The following SNTG2 variants were observed in gnomAD, a reference collection of about 807,000 sequenced individuals.
SNTG2 encodes gamma-2-syntrophin.
SNTG2 carries 74 observed loss-of-function variants against 70.9 expected under a neutral mutation model. The ratio of observed to expected loss-of-function variants is 1.04; its 90% confidence interval spans 0.86 to 1.27. The LOEUF (loss-of-function observed/expected upper bound fraction) is 1.27, where lower values mean the gene tolerates loss of function less well. SNTG2 is among the 50% of genes most tolerant of loss of function. The pLI is 0.00. For synonymous variants in SNTG2, 278 were observed against 273.8 expected (o/e 1.02, Z -0.15); for missense variants, 717 against 690.7 (o/e 1.04, Z -0.43).
chr2:1,231,872 C>T (rs908946995), intron 9 of SNTG2, among the ~76,000 whole-genome samples: 4 of 152,140 alleles, frequency 2.6e-5, no homozygotes, highest in African/African-American at 7.2e-5. Flanking sequence ...TAGTGCTGGC[C>T]GTGGTGGAAT....
At chr2:1,278,961 TGCATAACACCCTGTCAGCGC>T (rs1679393662) in intron 14 of SNTG2, among the ~76,000 whole-genome samples, 1 of 145,496 alleles carries the variant, frequency 6.9e-6, no homozygotes. Flanking sequence ...CCCCTGTCAG[TGCATAACACCCTGTCAGCGC>T]GCGAATCACC....
At chr2:1,002,628 T>C (rs1659431936) in intron 1 of SNTG2, among the ~76,000 whole-genome samples, 7 of 151,180 alleles carry the variant, frequency 4.6e-5, no homozygotes, top group Non-Finnish European at 1.0e-4. Context: ...AGAAAATACT[T>C]ATCTATGGTT....
rs145305192 is a variant in SNTG2 at position 966,077 on chromosome 2, G to A, written c.72+15009G>A. Among the ~76,000 whole-genome samples, 780 of 152,294 alleles carry A rather than the reference G, an allele frequency of 5.1e-3. 4 individuals are homozygous for A. Among genetic ancestry groups the A allele is most frequent in the African/African-American group, 0.018 (755 of 41,572 alleles). Reference sequence around the variant, plus strand: ...CCTCCATGCATGCCCAGGGTCCCCCGCGGAACCTGCTTCACAGCGAGTCCT... The same window carrying A: ...CCTCCATGCATGCCCAGGGTCCCCCACGGAACCTGCTTCACAGCGAGTCCT... On this transcript the variant is annotated intron_variant, in intron 1 of 16. Transcript: ENST00000308624.
At chr2:964,808 G>A (rs146105434) in intron 1 of SNTG2, among the ~76,000 whole-genome samples, 2 of 152,282 alleles carry the variant, frequency 1.3e-5, no homozygotes, top group Non-Finnish European at 2.9e-5. Flanking sequence ...CGTCCACTGC[G>A]TGTGACACTC....
In SNTG2 at chr2:1,222,023, CTCTGCCTATCTCTG is replaced by C. The variant is rs1675098417; in HGVS notation, c.719+12797_719+12810del. On this transcript the variant is annotated intron_variant, in intron 9 of 16. Transcript: ENST00000308624. ...TCTGTCTCTCTCTGTCTCTCTCTGT[CTCTGCCTATCTCTG>C]TCTCTCTCTGTCTCTCTCTGTCTCT... Among the ~76,000 whole-genome samples the C allele has an allele frequency of 2.6e-4, 22 of 85,048 alleles. 3 individuals carry two copies. Among genetic ancestry groups the C allele is most frequent in the Admixed American group, 1.2e-3 (9 of 7,820 alleles). The allele number at this position is 85,048 out of a possible 152,430, so 55.8% of individuals were successfully genotyped here. A position where few individuals can be genotyped will look rare whatever the true frequency, so the allele number is the denominator to read the frequency against.
chr2:1,302,652 T>C (rs532476768), intron 14 of SNTG2, among the ~76,000 whole-genome samples: 78 of 148,620 alleles, frequency 5.2e-4, no homozygotes, highest in African/African-American at 1.7e-3. Context: ...AAGATATCAA[T>C]AAATTACATG....
At chr2:965,937 T>C (rs1243637753) in intron 1 of SNTG2, among the ~76,000 whole-genome samples, 3 of 152,118 alleles carry the variant, frequency 2.0e-5, no homozygotes, top group African/African-American at 7.2e-5. Context: ...TAGGGCGGGC[T>C]GGGCCCAGCT....
At chr2:1,364,605 A>AT (rs1661376274) in intron 16 of SNTG2, among the ~76,000 whole-genome samples, 2 of 151,062 alleles carry the variant, frequency 1.3e-5, no homozygotes, top group South Asian at 4.2e-4. Context: ...AATACAAAAA[A>AT]AAATTAGCCA....
intron 14 of SNTG2, among the ~76,000 whole-genome samples, chr2:1,272,689 ACCCCAGGGAGCGGG>A (rs1679096328): frequency 2.7e-5 from 3 of 112,432 alleles, no homozygotes; most frequent in African/African-American, 1.1e-4. Flanking sequence ...TAGAAAGGAC[ACCCCAGGGAGCGGG>A]TGCAGAAAGG....
intron 1 of SNTG2, among the ~76,000 whole-genome samples, chr2:1,074,144 C>G (rs73170853): frequency 0.01 from 1,595 of 152,316 alleles, 26 homozygotes; most frequent in African/African-American, 0.036. Flanking sequence ...ACGGGGAGGA[C>G]TCTGGTCTCC....
chr2:1,152,761 C>T (rs1558462110), intron 6 of SNTG2, among the ~76,000 whole-genome samples: 2 of 152,170 alleles, frequency 1.3e-5, no homozygotes. Context: ...AAGGACCCAA[C>T]TTACATTATT....
chr2:1,244,695 C>CAAAAAAA (rs558051455), intron 11 of SNTG2, among the ~76,000 whole-genome samples: 2 of 88,626 alleles, frequency 2.3e-5, no homozygotes, highest in Non-Finnish European at 4.6e-5. Flanking sequence ...GACTCCATCT[C>CAAAAAAA]AAAAAAAAAA....
In SNTG2 at chr2:1,281,052, C is replaced by T. The variant is rs76853219; in HGVS notation, c.1284+13481C>T. Among the ~76,000 whole-genome samples, 1,303 of 152,214 alleles carry T rather than the reference C, an allele frequency of 8.6e-3. 17 individuals are homozygous for T. Among genetic ancestry groups the T allele is most frequent in the Middle Eastern group, 0.031 (9 of 294 alleles). On this transcript the variant is annotated intron_variant, in intron 14 of 16. Transcript: ENST00000308624. ...GTTTTTTATTCAGTTGTGCTTGTCG[C>T]GGGGTCAAGTGTCTTAGGGGTGAGT...
chr2:1,335,233 T>G (rs1286830561), intron 16 of SNTG2, among the ~76,000 whole-genome samples: 1 of 152,220 alleles, frequency 6.6e-6, no homozygotes, highest in East Asian at 1.9e-4. Flanking sequence ...CCGTAAATGT[T>G]TCCTGCAATT....
chr2:1,149,141 G>C (rs1374194599), intron 6 of SNTG2, among the ~76,000 whole-genome samples: 1 of 152,116 alleles, frequency 6.6e-6, no homozygotes, highest in Admixed American at 6.6e-5. Context: ...GGGTCGCTGG[G>C]CAAGTTGGCA....
intron 4 of SNTG2, among the ~76,000 whole-genome samples, chr2:1,123,324 A>T (rs1311547615): frequency 6.6e-6 from 1 of 152,248 alleles, no homozygotes; most frequent in Non-Finnish European, 1.5e-5. Context: ...TACTATAGTA[A>T]TCAAAACAGT....
chr2:1,276,989 G>T (rs1465123543), intron 14 of SNTG2, among the ~76,000 whole-genome samples: 1 of 152,228 alleles, frequency 6.6e-6, no homozygotes, highest in African/African-American at 2.4e-5. Context: ...GGCTGAAGAT[G>T]ATTGAATTGC....
At chr2:1,332,159 C>A (rs1659568004) in intron 16 of SNTG2, among the ~76,000 whole-genome samples, 1 of 152,150 alleles carries the variant, frequency 6.6e-6, no homozygotes, top group Admixed American at 6.5e-5. Flanking sequence ...TTTACTATGT[C>A]CAAAGGTCTC....
intron 8 of SNTG2, among the ~76,000 whole-genome samples, chr2:1,176,967 A>G (rs529268602): frequency 1.3e-5 from 2 of 152,320 alleles, no homozygotes; most frequent in Admixed American, 1.3e-4. Flanking sequence ...TGACTTAGCA[A>G]TCCTATTACT....
Sources: allele counts gnomAD v4.1 joint callset (sites outside exome capture counted in the v4.1 genomes callset), GRCh38; gene constraint gnomAD v4.1.1; transcripts MANE v1.5; gene names NCBI Gene and HGNC (gene_info 2026-07-23, HGNC 2026-07-21).